The following ARHGEF12 variants were observed in gnomAD, a reference collection of about 807,000 sequenced individuals.
ARHGEF12 encodes the protein Rho guanine nucleotide exchange factor 12.
Under a neutral mutation model 211.2 loss-of-function variants are expected in ARHGEF12, and 66 were observed. The observed-to-expected ratio is 0.31, with a 90% CI of 0.26 to 0.38. The LOEUF is 0.38. Ranked by LOEUF, ARHGEF12 falls within the 10% of genes least tolerant of loss-of-function variation. The pLI is 1.00. For synonymous variants in ARHGEF12, 592 were observed against 638.4 expected (o/e 0.93, Z 1.09); for missense variants, 1,429 against 1,869.5 (o/e 0.76, Z 4.34).
chr11:120,459,562 T>C (rs1946462310), intron 26 of ARHGEF12, among the ~76,000 whole-genome samples: 2 of 152,140 alleles, frequency 1.3e-5, no homozygotes, highest in Non-Finnish European at 2.9e-5. Flanking sequence ...AAAACATGAA[T>C]AGTCAAATTC....
intron 7 of ARHGEF12, among the ~76,000 whole-genome samples, chr11:120,425,840 A>G (rs1012381496): frequency 1.3e-5 from 2 of 151,942 alleles, no homozygotes; most frequent in African/African-American, 4.8e-5. Flanking sequence ...AGAATTTATG[A>G]TCTTCTGCAT....
chr11:120,475,216 A>C, intron 32 of ARHGEF12, 124 bp from the exon 33 acceptor site: 2 of 831,674 alleles, frequency 2.4e-6, no homozygotes, highest in Non-Finnish European at 3.7e-6. Flanking sequence ...GATAATATAC[A>C]AGTCAATTTT....
At chr11:120,435,059 A>C (rs531679166) in intron 11 of ARHGEF12, among the ~76,000 whole-genome samples, 3 of 152,246 alleles carry the variant, frequency 2.0e-5, no homozygotes, top group African/African-American at 7.2e-5. Context: ...CTCAATACAC[A>C]ATTTTATTAC....
At chr11:120,372,956 A>G (rs1943628766) in intron 1 of ARHGEF12, among the ~76,000 whole-genome samples, 1 of 152,190 alleles carries the variant, frequency 6.6e-6, no homozygotes, top group African/African-American at 2.4e-5. Flanking sequence ...TGCACAAAAT[A>G]AGCTATTAAT....
At chr11:120,370,792 C>G (rs529123894) in intron 1 of ARHGEF12, among the ~76,000 whole-genome samples, 1 of 152,094 alleles carries the variant, frequency 6.6e-6, no homozygotes, top group South Asian at 2.1e-4. Flanking sequence ...CTTTTCCTTC[C>G]TGTTTCTTCC....
At chr11:120,441,516 G>C (rs1329112468) in intron 13 of ARHGEF12, among the ~76,000 whole-genome samples, 191 bp from the exon 14 acceptor site, 1 of 152,134 alleles carries the variant, frequency 6.6e-6, no homozygotes, top group Non-Finnish European at 1.5e-5. Flanking sequence ...CTATCCCCAA[G>C]AGGTGGTTAA....
intron 39 of ARHGEF12, among the ~76,000 whole-genome samples, chr11:120,482,726 C>T (rs1947285019): frequency 6.8e-6 from 1 of 146,464 alleles, no homozygotes; most frequent in Admixed American, 6.9e-5. Context: ...ACCTGGGTGA[C>T]AGAGCGAGAC....
At position 120,470,256 on chromosome 11, in the gene ARHGEF12, A is replaced by G. The variant is rs76783825; in HGVS notation, c.2955+868A>G. 8.9e-3 allele frequency among the ~76,000 whole-genome samples: 1,356 copies of G among 152,326 alleles called. 86 individuals are homozygous for G. The South Asian group carries it at 0.16, about 18-fold the overall frequency. ...GAGTTGAAGAAGGGTGGTGGATGAA[A>G]GAGCCCATTTATTAACCTCTTGCAG... is the stretch of plus-strand genomic sequence containing the variant. On this transcript the variant is annotated intron_variant, in intron 30 of 40. Transcript: ENST00000397843.
chr11:120,415,499 A>C (rs1397214999), intron 4 of ARHGEF12, among the ~76,000 whole-genome samples: 1 of 152,212 alleles, frequency 6.6e-6, no homozygotes, highest in African/African-American at 2.4e-5. Context: ...GTCAAAAAGG[A>C]TAGTACAAAG....
Position 120,400,652 on chromosome 11 carries a change from C to A in ARHGEF12, c.33-5466C>A, listed in dbSNP as rs924910590. On this transcript the variant is annotated intron_variant, in intron 1 of 40. Transcript: ENST00000397843. ...GAAATGAAAGTCTCTAATAAGCTGT[C>A]ACATTAATTGTGAGCTGCATTTCTC... Among the ~76,000 whole-genome samples, 3 of 152,204 alleles carry A rather than the reference C, an allele frequency of 2.0e-5. No homozygotes were observed. The East Asian group carries it at 5.8e-4, about 29-fold the overall frequency.
intron 7 of ARHGEF12, among the ~76,000 whole-genome samples, chr11:120,426,807 G>A (rs1456226097): frequency 6.6e-6 from 1 of 152,074 alleles, no homozygotes; most frequent in African/African-American, 2.4e-5. Context: ...AAGTTCTATT[G>A]AAATATCTAA....
intron 4 of ARHGEF12, chr11:120,410,143 G>A (rs1464193202): frequency 3.9e-5 from 6 of 152,124 alleles, no homozygotes; most frequent in African/African-American, 1.4e-4. Context: ...TGCAGCAGAT[G>A]ATTGAAATGC....
In ARHGEF12 at chr11:120,443,999, G is replaced by A. The variant is rs186562021; in HGVS notation, c.1303-1423G>A. 3.4e-3 allele frequency among the ~76,000 whole-genome samples: 525 copies of A among 152,220 alleles called. 3 individuals are homozygous for A. The highest frequency in any genetic ancestry group is 5.0e-3 in the Non-Finnish European group (342 of 68,014). On this transcript the variant is annotated intron_variant, in intron 15 of 40. Transcript: ENST00000397843. ...GTATCCATGGGGGTTCCTAGAACCGGTACCCCATGTGGATATCAAGGGATG... is the reference window on the plus strand; with the variant it reads ...GTATCCATGGGGGTTCCTAGAACCGATACCCCATGTGGATATCAAGGGATG...
At chr11:120,365,543 G>T (rs1943399572) in intron 1 of ARHGEF12, 1 of 152,126 alleles carries the variant, frequency 6.6e-6, no homozygotes, top group South Asian at 2.1e-4. Flanking sequence ...CTTATTTGGG[G>T]AATGTTTAAA....
intron 11 of ARHGEF12, among the ~76,000 whole-genome samples, chr11:120,434,375 A>C (rs904360761): frequency 6.6e-6 from 1 of 152,242 alleles, no homozygotes; most frequent in African/African-American, 2.4e-5. Context: ...AATATTGTGG[A>C]AATCCGAGTG....
intron 1 of ARHGEF12, among the ~76,000 whole-genome samples, chr11:120,401,101 C>G (rs1478959304): frequency 2.0e-5 from 3 of 152,138 alleles, no homozygotes; most frequent in African/African-American, 7.2e-5. Context: ...TGCTTTGGTT[C>G]TATATGCTAA....
At chr11:120,432,726 C>T (rs1327727762) in intron 11 of ARHGEF12, among the ~76,000 whole-genome samples, 2 of 152,142 alleles carry the variant, frequency 1.3e-5, no homozygotes, top group East Asian at 1.9e-4. Flanking sequence ...GTTACATATA[C>T]ACACATCTAC....
Position 120,431,887 on chromosome 11 carries a change from T to C in ARHGEF12, c.900T>C (p.Ser300=). 1 of 1,610,768 alleles carries C rather than the reference T, an allele frequency of 6.2e-7. No individual in the cohort carries two copies. Among genetic ancestry groups the C allele is most frequent in the South Asian group, 1.1e-5 (1 of 90,108 alleles). ...GRTDCSSGDA[S]RPSSDNADSP... ...CTGACTGTAGCAGTGGAGATGCTTC[T>C]CGGCCCAGTAGTGACAATGCAGATG... Residue 300 remains serine, a synonymous_variant, in exon 11 of 41, where the codon TCT becomes TCC. Coordinates refer to ENST00000397843, the MANE Select transcript of ARHGEF12 (RefSeq NM_015313.3).
At position 120,481,278 on chromosome 11, in the gene ARHGEF12, A is replaced by G. The variant is rs1192668978; in HGVS notation, c.4256A>G (p.Asp1419Gly). 1 of 1,614,104 alleles carries G rather than the reference A, an allele frequency of 6.2e-7. No homozygotes were observed. The highest frequency in any genetic ancestry group is 1.3e-5 in the African/African-American group (1 of 75,040). ...TCCATAGGAAACTATTTGATCCTTG[A>G]TGGCTATGACCCAGTGCAGGAGAGT... The part of the protein sequence containing the change: ...LRISGNYLIL[D>G]GYDPVQESST... The change falls in exon 39 of 41, where the codon GAT becomes GGT. Residue 1419 changes from aspartate (D) to glycine (G), a missense_variant. This residue lies in a region of ARHGEF12 where 467 missense variants were observed against 468.4 expected (regional missense o/e 1.00). Transcript: ENST00000397843.
Sources: gnomAD v4.1 joint callset for allele counts (sites outside exome capture counted in the v4.1 genomes callset) on GRCh38, gnomAD v4.1.1 for gene constraint, gnomAD v4.1.1 regional missense constraint, MANE v1.5 for transcripts, NCBI Gene and HGNC (gene_info 2026-07-23, HGNC 2026-07-21) for gene names.